PPP1CC: variants seen among roughly 807,000 people sequenced by gnomAD.
The protein encoded by PPP1CC is protein phosphatase 1 catalytic subunit gamma, also known as serine/threonine-protein phosphatase PP1-gamma catalytic subunit.
Under a neutral mutation model 38.4 loss-of-function variants are expected in PPP1CC, and 16 were observed. That is an observed-to-expected ratio of 0.42 (90% CI 0.28 to 0.63). The LOEUF (loss-of-function observed/expected upper bound fraction) is 0.63. PPP1CC is among the 30% of genes least tolerant of loss of function. The pLI is 0.25. For synonymous variants in PPP1CC, 158 were observed against 136.0 expected, an observed-to-expected ratio of 1.16 and a Z score of -1.13; for missense variants, 170 against 391.3, an observed-to-expected ratio of 0.43 and a Z score of 4.77.
chr12:110,738,456 G>C (rs372591164), intron 1 of PPP1CC, among the ~76,000 whole-genome samples: 1 of 152,100 alleles, frequency 6.6e-6, no homozygotes, highest in Non-Finnish European at 1.5e-5. Context: ...AAGTTAAATG[G>C]TGAAGTCCAC....
intron 1 of PPP1CC, among the ~76,000 whole-genome samples, chr12:110,739,295 G>T (rs987571420): frequency 1.3e-5 from 2 of 151,902 alleles, no homozygotes; most frequent in Non-Finnish European, 2.9e-5. Flanking sequence ...GTGACAGAGT[G>T]AGACTCTGTC....
chr12:110,736,839 CTTAA>C (rs762990707), intron 1 of PPP1CC, among the ~76,000 whole-genome samples: 33 of 152,214 alleles, frequency 2.2e-4, no homozygotes, highest in Non-Finnish European at 3.7e-4. Flanking sequence ...ATAAAGGCCC[CTTAA>C]TTGTTTAAAT....
Position 110,730,779 on chromosome 12 carries a change from T to A in PPP1CC, c.188-20A>T, listed in dbSNP as rs1412503920. On this transcript the variant is annotated intron_variant, in intron 2 of 6. Coordinates refer to ENST00000335007, the MANE Select transcript of PPP1CC (RefSeq NM_002710.4). ...TGTCACCTGGAAGCAAGAATTTTGT[T>A]ACACAGTGTTCCCATACTTAAAGCT... The A allele has an allele frequency of 6.5e-7, 1 of 1,532,838 alleles. No individual in the cohort carries two copies. Among genetic ancestry groups the A allele is most frequent in the Non-Finnish European group, 8.9e-7 (1 of 1,118,144 alleles). 95.0% of individuals were successfully genotyped at this position (1,532,838 alleles called of 1,614,324 possible). A position where few individuals can be genotyped will look rare whatever the true frequency, so the allele number is the denominator to read the frequency against.
At chr12:110,742,256 G>A (rs1481802659) in intron 1 of PPP1CC, among the ~76,000 whole-genome samples, 1 of 152,180 alleles carries the variant, frequency 6.6e-6, no homozygotes, top group Non-Finnish European at 1.5e-5. Flanking sequence ...GCACCGAAAA[G>A]TCCATCTCGC....
intron 1 of PPP1CC, among the ~76,000 whole-genome samples, chr12:110,742,259 C>T (rs1253553254): frequency 6.6e-6 from 1 of 152,202 alleles, no homozygotes; most frequent in Admixed American, 6.5e-5. Flanking sequence ...CCGAAAAGTC[C>T]ATCTCGCACA....
intron 1 of PPP1CC, among the ~76,000 whole-genome samples, chr12:110,738,510 C>A (rs1218675472): frequency 6.6e-6 from 1 of 152,244 alleles, no homozygotes; most frequent in East Asian, 1.9e-4. Context: ...GAATCCTCAC[C>A]TAGTCAAGTG....
chr12:110,720,473 TC>T lies in PPP1CC; in HGVS notation c.*602del. On this transcript the variant is annotated 3_prime_UTR_variant, in exon 7 of 7. Coordinates refer to ENST00000335007, the MANE Select transcript of PPP1CC (RefSeq NM_002710.4). ...TGGCTTTGTCATTTTAAGTATACGG[TC>T]GGGGAAAAGTGTGCTTTAATTAAAT... The T allele has an allele frequency of 2.5e-6, 1 of 401,524 alleles. No homozygotes were observed. Among genetic ancestry groups the T allele is most frequent in the Non-Finnish European group, 4.5e-6 (1 of 222,852 alleles). 24.9% of individuals were successfully genotyped at this position (401,524 alleles called of 1,614,324 possible).
chr12:110,721,292 C>G, intron 6 of PPP1CC, 127 bp from the exon 7 acceptor site: 1 of 674,736 alleles, frequency 1.5e-6, no homozygotes, highest in Non-Finnish European at 2.6e-6. Context: ...TAAAAGCCCC[C>G]CTAGCATATT....
At chr12:110,733,805 T>A (rs971777866) in intron 1 of PPP1CC, among the ~76,000 whole-genome samples, 1 of 152,190 alleles carries the variant, frequency 6.6e-6, no homozygotes, top group African/African-American at 2.4e-5. Context: ...ATATTAAGAT[T>A]AGATGCAGCT....
the PPP1CC span, among the ~76,000 whole-genome samples, chr12:110,708,850 C>CAA: frequency 0.017 from 1,083 of 65,328 alleles, 5 homozygotes; most frequent in Non-Finnish European, 0.025. Context: ...GAGTCCATCT[C>CAA]AAAAAAAAAA....
At chr12:110,741,175 C>T (rs530092606) in intron 1 of PPP1CC, among the ~76,000 whole-genome samples, 1 of 150,206 alleles carries the variant, frequency 6.7e-6, no homozygotes, top group African/African-American at 2.5e-5. Context: ...TCCTTAATGA[C>T]ATTTAGTGTT....
intron 1 of PPP1CC, chr12:110,732,391 G>T: frequency 2.6e-5 from 4 of 152,902 alleles, no homozygotes; most frequent in Admixed American, 6.6e-5. Context: ...GCGAGACTCC[G>T]TCTCAAAAAA....
the PPP1CC span, among the ~76,000 whole-genome samples, chr12:110,710,973 C>T: frequency 2.0e-5 from 3 of 151,658 alleles, no homozygotes; most frequent in Admixed American, 6.6e-5. Context: ...GCCAGGAGTT[C>T]GAGACCAGCC....
intron 3 of PPP1CC, among the ~76,000 whole-genome samples, chr12:110,729,079 C>T (rs1235534444): frequency 1.3e-5 from 2 of 152,096 alleles, no homozygotes; most frequent in Non-Finnish European, 2.9e-5. Flanking sequence ...CACCTCTTCA[C>T]TCCAAACCTG....
intron 3 of PPP1CC, chr12:110,726,486 A>C (rs2136545950): frequency 6.6e-6 from 1 of 152,228 alleles, no homozygotes; most frequent in South Asian, 2.1e-4. Flanking sequence ...CAGAGGTTGC[A>C]GTAAGCCAAG....
rs1192576508 is a variant in PPP1CC, at chr12:110,730,587, A to T, written c.360T>A (p.Leu120=). Residue 120 remains leucine (L), a synonymous_variant, in exon 3 of 7, where the codon CTT becomes CTA. Transcript: ENST00000335007. ...YKIKYPENFF[L]LRGNHECASI... ...TGGCACATTCATGGTTCCCTCTGAG[A>T]AGAAAAAAATTCTCAGGATATTTTA... The T allele has an allele frequency of 6.2e-7, 1 of 1,614,156 alleles. No individual in the cohort carries two copies. The highest frequency in any genetic ancestry group is 2.2e-5 in the East Asian group (1 of 44,890).
At chr12:110,726,762 G>A (rs1269872735) in intron 3 of PPP1CC, 1 of 152,140 alleles carries the variant, frequency 6.6e-6, no homozygotes, top group Non-Finnish European at 1.5e-5. Flanking sequence ...GATTAGGGAT[G>A]TTTAACCAGT....
At chr12:110,727,888 G>A (rs2069819578) in intron 3 of PPP1CC, among the ~76,000 whole-genome samples, 1 of 152,166 alleles carries the variant, frequency 6.6e-6, no homozygotes, top group African/African-American at 2.4e-5. Flanking sequence ...TACAAATTGT[G>A]TTGATGACCA....
At chr12:110,737,591 C>T (rs1357662486) in intron 1 of PPP1CC, among the ~76,000 whole-genome samples, 3 of 150,804 alleles carry the variant, frequency 2.0e-5, no homozygotes, top group Non-Finnish European at 4.4e-5. Context: ...ATTGTTTCCA[C>T]ACCCTGCCCT....
Sources: gnomAD v4.1 joint callset for allele counts (sites outside exome capture counted in the v4.1 genomes callset) on GRCh38, gnomAD v4.1.1 for gene constraint, MANE v1.5 for transcripts, NCBI Gene and HGNC (gene_info 2026-07-23, HGNC 2026-07-21) for gene names.